TPRG1: variants seen among roughly 807,000 people sequenced by gnomAD.
TPRG1 encodes the protein tumor protein p63 regulated 1.
A neutral mutation model predicts 29.3 loss-of-function variants in TPRG1; 29 were observed. The ratio of observed to expected loss-of-function variants is 0.99; its 90% CI spans 0.74 to 1.35. The LOEUF (loss-of-function observed/expected upper bound fraction) is 1.35, where lower values mean the gene tolerates loss of function less well. TPRG1 is among the 40% of genes most tolerant of loss of function. The pLI is 0.00. For synonymous variants in TPRG1, 130 were observed against 116.8 expected (o/e 1.11, Z -0.73); for missense variants, 327 against 335.0 (o/e 0.98, Z 0.19).
intron 4 of TPRG1, among the ~76,000 whole-genome samples, chr3:189,087,562 T>C (rs919635254): frequency 6.6e-6 from 1 of 152,246 alleles, no homozygotes; most frequent in Non-Finnish European, 1.5e-5. Context: ...TTTGGTGTTT[T>C]AGACATTAAG....
Position 189,065,990 on chromosome 3 carries a change from A to T in TPRG1, c.-463+42044A>T, listed in dbSNP as rs113369469. On this transcript the variant is annotated intron_variant, in intron 4 of 10. Coordinates refer to the TPRG1 transcript ENST00000433971. ...TATAAGATTAAAACACAAAAATTGG[A>T]CATTGCAGCTGATACTGCAGAAATT... 8.3e-4 allele frequency among the ~76,000 whole-genome samples: 126 copies of T among 152,308 alleles called. 1 individual carries two copies. Among genetic ancestry groups the T allele is most frequent in the African/African-American group, 2.6e-3 (110 of 41,580 alleles).
At chr3:189,160,549 G>C (rs1411758987) in intron 5 of TPRG1, among the ~76,000 whole-genome samples, 1 of 152,156 alleles carries the variant, frequency 6.6e-6, no homozygotes, top group Non-Finnish European at 1.5e-5. Flanking sequence ...GAAAGATTAT[G>C]TTTACCTTGA....
intron 5 of TPRG1, among the ~76,000 whole-genome samples, chr3:189,154,166 C>T (rs1435460778): frequency 6.6e-6 from 1 of 152,168 alleles, no homozygotes; most frequent in Non-Finnish European, 1.5e-5. Flanking sequence ...ATGCGATATT[C>T]TTCAGCAATT....
rs112919579 is a variant in TPRG1 at position 189,023,217 on chromosome 3, C to T, written c.-659-533C>T. 2.6e-5 allele frequency among the ~76,000 whole-genome samples: 4 copies of T among 152,130 alleles called. No individual in the cohort carries two copies. In the East Asian group the frequency reaches 5.8e-4, roughly 22 times the overall value. ...GTCGCTCACGCTGGGAGCTGCAGAC[C>T]GGAGCTGTTCCTATTCGGCCATCTT... is the stretch of plus-strand genomic sequence containing the variant. On this transcript the variant is annotated intron_variant, in intron 3 of 10. Transcript: ENST00000433971.
chr3:189,248,262 G>A, intron 4 of TPRG1, among the ~76,000 whole-genome samples: 1 of 151,598 alleles, frequency 6.6e-6, no homozygotes, highest in East Asian at 1.9e-4. Flanking sequence ...ACTTAGTTTT[G>A]TTCAGGTTTG....
intron 1 of TPRG1, among the ~76,000 whole-genome samples, chr3:189,185,196 A>G (rs1446308743): frequency 1.3e-5 from 2 of 151,030 alleles, no homozygotes; most frequent in African/African-American, 4.9e-5. Context: ...CTTATCTGTC[A>G]CCTTTGAAGG....
chr3:189,137,135 T>G (rs1723849476), intron 3 of TPRG1, among the ~76,000 whole-genome samples: 1 of 152,202 alleles, frequency 6.6e-6, no homozygotes, highest in Non-Finnish European at 1.5e-5. Flanking sequence ...GACTGTGATT[T>G]TGCCACGCCT....
chr3:189,149,333 A>G (rs1560489001), intron 4 of TPRG1, among the ~76,000 whole-genome samples: 1 of 152,162 alleles, frequency 6.6e-6, no homozygotes, highest in Non-Finnish European at 1.5e-5. Flanking sequence ...TCTATGATGG[A>G]GTTATGAGAA....
intron 1 of TPRG1, among the ~76,000 whole-genome samples, chr3:189,193,977 G>T: frequency 6.8e-6 from 1 of 148,078 alleles, no homozygotes; most frequent in East Asian, 2.0e-4. Context: ...ATATTTTCTT[G>T]CTTTTTCATG....
chr3:189,291,026 C>T (rs923833236), intron 4 of TPRG1, among the ~76,000 whole-genome samples: 4 of 152,018 alleles, frequency 2.6e-5, no homozygotes, highest in Non-Finnish European at 5.9e-5. Flanking sequence ...CTCAGCCTCC[C>T]GAGTAGCTGG....
intron 4 of TPRG1, among the ~76,000 whole-genome samples, chr3:189,265,190 G>GTCACA (rs977608210): frequency 5.9e-5 from 9 of 152,156 alleles, no homozygotes; most frequent in South Asian, 4.1e-4. Context: ...AGTGTTCGGA[G>GTCACA]TCACAGGATC....
intron 4 of TPRG1, among the ~76,000 whole-genome samples, chr3:189,032,589 T>A (rs111991264): frequency 6.7e-6 from 1 of 150,170 alleles, no homozygotes; most frequent in Non-Finnish European, 1.5e-5. Flanking sequence ...TCTCTCCTTT[T>A]TTTTTCTTTT....
intron 3 of TPRG1, among the ~76,000 whole-genome samples, chr3:189,012,193 G>A (rs1712637395): frequency 6.6e-6 from 1 of 152,204 alleles, no homozygotes; most frequent in Non-Finnish European, 1.5e-5. Context: ...GTGAGACAGA[G>A]CAACCTTGTG....
At chr3:189,189,508 G>A (rs546465542) in intron 1 of TPRG1, among the ~76,000 whole-genome samples, 2 of 152,152 alleles carry the variant, frequency 1.3e-5, no homozygotes, top group South Asian at 4.2e-4. Flanking sequence ...ATTTGCCCCT[G>A]GGAGATGATG....
chr3:189,147,967 C>G (rs1256735717), intron 4 of TPRG1, among the ~76,000 whole-genome samples: 1 of 152,210 alleles, frequency 6.6e-6, no homozygotes, highest in Non-Finnish European at 1.5e-5. Context: ...TCTTGGAACA[C>G]AAACAGCATA....
intron 4 of TPRG1, among the ~76,000 whole-genome samples, chr3:189,285,526 T>C (rs1355602281): frequency 1.3e-5 from 2 of 152,238 alleles, no homozygotes; most frequent in Non-Finnish European, 2.9e-5. Context: ...GTAGATTTCT[T>C]ACTGATACCT....
At chr3:189,274,484 A>G (rs1715756583) in intron 4 of TPRG1, among the ~76,000 whole-genome samples, 1 of 152,194 alleles carries the variant, frequency 6.6e-6, no homozygotes, top group Non-Finnish European at 1.5e-5. Context: ...ATAAGAACTT[A>G]GACTAAAAGG....
chr3:189,202,437 T>G (rs1391859092), intron 1 of TPRG1, among the ~76,000 whole-genome samples: 2 of 152,176 alleles, frequency 1.3e-5, no homozygotes, highest in African/African-American at 4.8e-5. Context: ...CCAAACCTTT[T>G]TGTCTTCCCA....
intron 3 of TPRG1, among the ~76,000 whole-genome samples, chr3:189,139,633 C>T (rs900319201): frequency 1.3e-5 from 2 of 151,518 alleles, no homozygotes; most frequent in Non-Finnish European, 1.5e-5. Flanking sequence ...TCAGCATCAG[C>T]GCTGATGCTC....
Sources: allele counts gnomAD v4.1 joint callset (sites outside exome capture counted in the v4.1 genomes callset), GRCh38; gene constraint gnomAD v4.1.1; transcripts MANE v1.5; gene names NCBI Gene and HGNC (gene_info 2026-07-23, HGNC 2026-07-21).